The following PIP5K1B variants were observed in gnomAD, a reference collection of about 807,000 sequenced individuals.
PIP5K1B encodes the protein phosphatidylinositol 4-phosphate 5-kinase type-1 beta.
PIP5K1B carries 42 observed loss-of-function variants against 67.0 expected under a neutral mutation model. That is an observed-to-expected ratio of 0.63 (90% CI 0.49 to 0.81). The LOEUF (loss-of-function observed/expected upper bound fraction) is 0.81, where lower values mean the gene tolerates loss of function less well. Among genes scored for constraint, PIP5K1B ranks in the 30% least tolerant of loss-of-function variants. The pLI, the probability that PIP5K1B is intolerant of heterozygous loss-of-function variation, is 0.00. For synonymous variants in PIP5K1B, 214 were observed against 231.4 expected (o/e 0.92, Z 0.68); for missense variants, 459 against 646.3 (o/e 0.71, Z 3.14).
At chr9:68,722,583 T>C (rs1163217505) in intron 1 of PIP5K1B, among the ~76,000 whole-genome samples, 1 of 151,884 alleles carries the variant, frequency 6.6e-6, no homozygotes, top group African/African-American at 2.4e-5. Context: ...CTTTGGAGGC[T>C]CATTTGCTGA....
intron 5 of PIP5K1B, among the ~76,000 whole-genome samples, chr9:68,870,473 G>T (rs1823577775): frequency 6.6e-6 from 1 of 152,034 alleles, no homozygotes; most frequent in Non-Finnish European, 1.5e-5. Context: ...CTCTAATTTG[G>T]CAAAAAAGAG....
intron 2 of PIP5K1B, among the ~76,000 whole-genome samples, chr9:68,774,769 A>G (rs763593268): frequency 3.9e-5 from 6 of 152,210 alleles, no homozygotes; most frequent in Middle Eastern, 3.2e-3. Flanking sequence ...GTACTGCTAC[A>G]TAGTACTACA....
intron 8 of PIP5K1B, among the ~76,000 whole-genome samples, chr9:68,905,662 C>G (rs1373571833): frequency 6.6e-6 from 1 of 152,202 alleles, no homozygotes; most frequent in Admixed American, 6.5e-5. Context: ...ATGACCTTGT[C>G]TTCCTCCCAG....
intron 14 of PIP5K1B, among the ~76,000 whole-genome samples, chr9:68,976,310 C>G (rs1398041488): frequency 2.0e-5 from 3 of 152,190 alleles, no homozygotes; most frequent in Non-Finnish European, 4.4e-5. Flanking sequence ...ACTCTGATCT[C>G]AAACTTTAGT....
intron 12 of PIP5K1B, among the ~76,000 whole-genome samples, chr9:68,931,030 C>A (rs1826968900): frequency 6.6e-6 from 1 of 151,742 alleles, no homozygotes; most frequent in African/African-American, 2.4e-5. Context: ...AGGCATACTC[C>A]CCTCCCACCA....
Position 68,789,057 on chromosome 9 carries a change from G to A in PIP5K1B, c.-85-29404G>A, listed in dbSNP as rs551579128. On this transcript the variant is annotated intron_variant, in intron 2 of 15. Coordinates refer to ENST00000265382, the MANE Select transcript of PIP5K1B (RefSeq NM_003558.4). ...TGATACAGCATCAATCATCCCCTGG[G>A]TTTCAGCAGCAATTGTAGAACCTGA... 1.4e-5 allele frequency: 7 copies of A among 484,248 alleles called. No homozygotes were observed. In the Admixed American group the frequency reaches 1.7e-4, roughly 12 times the overall value. The allele number at this position is 484,248 out of a possible 1,614,324, so 30.0% of individuals were successfully genotyped here. A position where few individuals can be genotyped will look rare whatever the true frequency, so the allele number is the denominator to read the frequency against.
intron 12 of PIP5K1B, among the ~76,000 whole-genome samples, chr9:68,933,436 T>C (rs1179530364): frequency 6.6e-6 from 1 of 152,142 alleles, no homozygotes; most frequent in East Asian, 1.9e-4. Flanking sequence ...TTTTTAAACA[T>C]TCAAAAATTT....
chr9:68,733,539 A>G (rs1292416003), intron 1 of PIP5K1B, among the ~76,000 whole-genome samples: 1 of 151,964 alleles, frequency 6.6e-6, no homozygotes, highest in Non-Finnish European at 1.5e-5. Flanking sequence ...GAACAATTGA[A>G]TAAAATTTTT....
In PIP5K1B at chr9:68,956,352, C is replaced by T. The variant is rs188191121; in HGVS notation, c.1502+15562C>T. Among the ~76,000 whole-genome samples the T allele has an allele frequency of 9.3e-3, 1,410 of 152,332 alleles. 24 individuals are homozygous for T. The highest frequency in any genetic ancestry group is 0.032 in the African/African-American group (1,344 of 41,574). ...GGGCATGATGGCAAGTGCCTGTATT[C>T]CCAGCTACTCAGGAAGCTGAGGCAG... On this transcript the variant is annotated intron_variant, in intron 14 of 15. Coordinates refer to ENST00000265382, the MANE Select transcript of PIP5K1B (RefSeq NM_003558.4).
intron 2 of PIP5K1B, among the ~76,000 whole-genome samples, chr9:68,811,677 GTTGA>G (rs915988484): frequency 5.3e-5 from 8 of 152,284 alleles, no homozygotes; most frequent in African/African-American, 1.9e-4. Flanking sequence ...GTGGCATCAT[GTTGA>G]TTGTGATCTG....
intron 13 of PIP5K1B, 102 bp from the exon 14 acceptor site, chr9:68,940,544 G>C (rs1472309173): frequency 9.1e-7 from 1 of 1,101,004 alleles, no homozygotes; most frequent in African/African-American, 1.6e-5. Flanking sequence ...TTTGCAGCCT[G>C]ATAGGTAAAA....
chr9:68,775,274 T>G (rs1422793787), intron 2 of PIP5K1B, among the ~76,000 whole-genome samples: 1 of 152,232 alleles, frequency 6.6e-6, no homozygotes, highest in Non-Finnish European at 1.5e-5. Context: ...TTCTTTTTCC[T>G]TCTTCACAAC....
At chr9:68,719,804 A>G (rs1430519695) in intron 1 of PIP5K1B, among the ~76,000 whole-genome samples, 1 of 152,224 alleles carries the variant, frequency 6.6e-6, no homozygotes, top group Non-Finnish European at 1.5e-5. Context: ...CTCCTACATG[A>G]CAATTTATAA....
intron 4 of PIP5K1B, among the ~76,000 whole-genome samples, chr9:68,854,899 T>C (rs1236669058): frequency 6.6e-6 from 1 of 152,214 alleles, no homozygotes; most frequent in Non-Finnish European, 1.5e-5. Context: ...TTAAATTTTA[T>C]GATCTGTATT....
chr9:68,998,057 T>A (rs2133003723), intron 15 of PIP5K1B, among the ~76,000 whole-genome samples: 1 of 151,444 alleles, frequency 6.6e-6, no homozygotes, highest in African/African-American at 2.4e-5. Flanking sequence ...TTTTTCTTTT[T>A]TTCTTTTTTC....
intron 11 of PIP5K1B, among the ~76,000 whole-genome samples, chr9:68,921,009 T>A (rs1448378060): frequency 1.3e-5 from 2 of 152,002 alleles, no homozygotes; most frequent in Non-Finnish European, 2.9e-5. Context: ...ATAGATGATC[T>A]TCTTCTTCTT....
intron 13 of PIP5K1B, chr9:68,935,996 A>G (rs1827247464): frequency 6.6e-6 from 1 of 152,212 alleles, no homozygotes; most frequent in African/African-American, 2.4e-5. Flanking sequence ...GAATTTCAAT[A>G]AAGTTTTATA....
intron 1 of PIP5K1B, among the ~76,000 whole-genome samples, chr9:68,717,520 A>G (rs1827692137): frequency 6.6e-6 from 1 of 152,220 alleles, no homozygotes; most frequent in Admixed American, 6.5e-5. Flanking sequence ...AGAGTCCAAG[A>G]TCAGGTGCCA....
intron 15 of PIP5K1B, among the ~76,000 whole-genome samples, chr9:69,000,469 T>C (rs977280677): frequency 2.6e-5 from 4 of 152,222 alleles, no homozygotes; most frequent in African/African-American, 9.6e-5. Context: ...AACAGAAATT[T>C]CTTTTCTTGT....
Sources: allele counts gnomAD v4.1 joint callset (sites outside exome capture counted in the v4.1 genomes callset), GRCh38; gene constraint gnomAD v4.1.1; transcripts MANE v1.5; gene names NCBI Gene and HGNC (gene_info 2026-07-23, HGNC 2026-07-21).